FUT8: variants seen among roughly 807,000 people sequenced by gnomAD.
FUT8 encodes the protein alpha-(1,6)-fucosyltransferase.
In FUT8, 29 loss-of-function variants were observed where a neutral mutation model predicts 71.3. The ratio of observed to expected loss-of-function variants is 0.41; its 90% confidence interval spans 0.30 to 0.55. FUT8 has a LOEUF of 0.55. Ranked by LOEUF, FUT8 falls within the 20% of genes least tolerant of loss-of-function variation. FUT8 has a pLI of 0.34. For synonymous variants in FUT8, 254 were observed against 239.3 expected (o/e 1.06, Z -0.57); for missense variants, 544 against 702.1 (o/e 0.77, Z 2.55).
At chr14:65,359,625 C>G in the FUT8 span, among the ~76,000 whole-genome samples, 1 of 152,200 alleles carries the variant, frequency 6.6e-6, no homozygotes, top group African/African-American at 2.4e-5. Flanking sequence ...AGCATGATGT[C>G]TTCAGAGTTC....
At chr14:65,523,568 C>T (rs1398256834) in intron 2 of FUT8, among the ~76,000 whole-genome samples, 1 of 152,180 alleles carries the variant, frequency 6.6e-6, no homozygotes, top group Admixed American at 6.5e-5. Flanking sequence ...TGCAGAAGCT[C>T]TTTAGCTTAA....
At chr14:65,414,842 T>C (rs1047372160) in intron 1 of FUT8, among the ~76,000 whole-genome samples, 1 of 152,242 alleles carries the variant, frequency 6.6e-6, no homozygotes, top group East Asian at 1.9e-4. Flanking sequence ...GTGAGTTAAC[T>C]TGAAGAGTGT....
the FUT8 span, among the ~76,000 whole-genome samples, chr14:65,358,955 A>G: frequency 6.6e-6 from 1 of 152,182 alleles, no homozygotes; most frequent in East Asian, 1.9e-4. Flanking sequence ...CTCCTACACA[A>G]CCAGAACACT....
At chr14:65,738,216 T>C (rs911586082) in intron 10 of FUT8, among the ~76,000 whole-genome samples, 3 of 152,150 alleles carry the variant, frequency 2.0e-5, no homozygotes, top group African/African-American at 7.2e-5. Flanking sequence ...TCTTATTGTA[T>C]AGTAAAACAA....
chr14:65,508,491 GTTTTTTTTTTT>G (rs34809476), intron 2 of FUT8, among the ~76,000 whole-genome samples: 3 of 46,500 alleles, frequency 6.5e-5, no homozygotes, highest in Admixed American at 3.2e-4. Flanking sequence ...AGTTGTTTGA[GTTTTTTTTTTT>G]TTTTTTTTTT....
chr14:65,579,272 T>A (rs1472754839), intron 3 of FUT8, among the ~76,000 whole-genome samples: 2 of 152,190 alleles, frequency 1.3e-5, no homozygotes, highest in Admixed American at 1.3e-4. Flanking sequence ...CCCTTCCTTT[T>A]AGAATTAATT....
rs71126744 is a variant in FUT8, at chr14:65,433,786, T to TTCTCTCTCTCTCTCTCTCTCTCTC, written c.-326+20581_-326+20604dup. ...TTTATTTCTACCTCTCTTCTGTCTC[T>TTCTCTCTCTCTCTCTCTCTCTCTC]TCTCTCTCTCTCTCTCTCTCTCTCT... On this transcript the variant is annotated intron_variant, in intron 1 of 10. Coordinates refer to ENST00000673929, the MANE Select transcript of FUT8 (RefSeq NM_001371533.1). Among the ~76,000 whole-genome samples, 800 of 144,904 alleles carry TTCTCTCTCTCTCTCTCTCTCTCTC rather than the reference T, an allele frequency of 5.5e-3. 34 individuals are homozygous for TTCTCTCTCTCTCTCTCTCTCTCTC. The highest frequency in any genetic ancestry group is 0.019 in the South Asian group (78 of 4,154).
chr14:65,690,462 T>C (rs1893518595), intron 7 of FUT8, among the ~76,000 whole-genome samples: 1 of 152,214 alleles, frequency 6.6e-6, no homozygotes, highest in East Asian at 1.9e-4. Flanking sequence ...AATTTATATA[T>C]AAAGTTGAGA....
intron 5 of FUT8, among the ~76,000 whole-genome samples, chr14:65,625,529 T>C (rs535828370): frequency 2.3e-4 from 35 of 152,310 alleles, no homozygotes; most frequent in African/African-American, 7.7e-4. Flanking sequence ...GAAAAGAAAA[T>C]GTTTTGAATC....
At chr14:65,733,580 G>T (rs1896078649) in intron 10 of FUT8, among the ~76,000 whole-genome samples, 199 bp downstream of exon 10, 1 of 152,184 alleles carries the variant, frequency 6.6e-6, no homozygotes, top group African/African-American at 2.4e-5. Flanking sequence ...CTAATATTTA[G>T]TTGTTTGCAA....
chr14:65,553,024 C>T (rs1174984824), intron 2 of FUT8, among the ~76,000 whole-genome samples: 4 of 152,040 alleles, frequency 2.6e-5, no homozygotes, highest in Admixed American at 1.3e-4. Flanking sequence ...GGTGTGATCA[C>T]GGCTCTCTGC....
chr14:65,593,253 C>G (rs935274934), intron 3 of FUT8, among the ~76,000 whole-genome samples: 4 of 152,044 alleles, frequency 2.6e-5, no homozygotes, highest in African/African-American at 9.7e-5. Flanking sequence ...ACTTGTATGC[C>G]TTTTACTTAA....
chr14:65,417,128 T>G (rs2065230875), intron 1 of FUT8, among the ~76,000 whole-genome samples: 1 of 152,070 alleles, frequency 6.6e-6, no homozygotes, highest in African/African-American at 2.4e-5. Flanking sequence ...TGTTTGTTTC[T>G]AAGTTTAAAA....
chr14:65,597,383 C>T (rs1440871645), intron 3 of FUT8, among the ~76,000 whole-genome samples: 1 of 152,170 alleles, frequency 6.6e-6, no homozygotes, highest in South Asian at 2.1e-4. Flanking sequence ...AATCCCAGCA[C>T]TTTGGGAGGC....
At chr14:65,733,185 A>G in intron 9 of FUT8, 46 bp from the exon 10 acceptor site, 1 of 1,265,596 alleles carries the variant, frequency 7.9e-7, no homozygotes. Context: ...TTCTGATAGG[A>G]TACTGTGATA....
At chr14:65,476,667 TTTTTG>T (rs1449562525) in intron 2 of FUT8, among the ~76,000 whole-genome samples, 26 of 130,714 alleles carry the variant, frequency 2.0e-4, no homozygotes, top group African/African-American at 6.0e-4. Context: ...TTTTTTTTTT[TTTTTG>T]GCGACAGGGT....
In FUT8 at chr14:65,554,809, G is replaced by A. The variant is rs12436434; in HGVS notation, c.-227-6528G>A. ...GCTTTTAGCAGGTCTTTGGATGCCT[G>A]CATCACAGCATGACCTCTGTTCATA... On this transcript the variant is annotated intron_variant, in intron 2 of 10. Coordinates refer to ENST00000673929, the MANE Select transcript of FUT8 (RefSeq NM_001371533.1). Among the ~76,000 whole-genome samples the A allele has an allele frequency of 5.7e-3, 873 of 152,232 alleles. 30 individuals are homozygous for A. In the East Asian group the frequency reaches 0.093, roughly 16 times the overall value.
At chr14:65,701,420 T>C (rs1012831776) in intron 7 of FUT8, among the ~76,000 whole-genome samples, 1 of 152,254 alleles carries the variant, frequency 6.6e-6, no homozygotes, top group Admixed American at 6.5e-5. Flanking sequence ...CTGGGTTTTC[T>C]GTCCCAAAGT....
chr14:65,418,324 GTTT>G (rs2065247968), intron 1 of FUT8, among the ~76,000 whole-genome samples: 1 of 152,098 alleles, frequency 6.6e-6, no homozygotes, highest in Admixed American at 6.6e-5. Context: ...TGAGTTTTAA[GTTT>G]TTATCAATGT....
Sources: gnomAD v4.1 joint callset for allele counts (sites outside exome capture counted in the v4.1 genomes callset) on GRCh38, gnomAD v4.1.1 for gene constraint, MANE v1.5 for transcripts, NCBI Gene and HGNC (gene_info 2026-07-23, HGNC 2026-07-21) for gene names.